The following SEMA3A variants were observed in gnomAD, a reference collection of about 807,000 sequenced individuals.
SEMA3A encodes semaphorin 3A.
In SEMA3A, 29 loss-of-function variants were observed where a neutral mutation model predicts 97.9. That is an observed-to-expected ratio of 0.30 (90% CI 0.22 to 0.40). SEMA3A has a LOEUF of 0.40. Among genes scored for constraint, SEMA3A ranks in the 10% least tolerant of loss-of-function variants. SEMA3A has a pLI of 1.00. For synonymous variants in SEMA3A, 321 were observed against 323.7 expected (o/e 0.99, Z 0.09); for missense variants, 763 against 951.3 (o/e 0.80, Z 2.60).
intron 5 of SEMA3A, among the ~76,000 whole-genome samples, chr7:84,049,643 A>C (rs185257743): frequency 7.0e-4 from 106 of 152,260 alleles, no homozygotes; most frequent in Non-Finnish European, 1.2e-3. Flanking sequence ...CCTGTTCAGC[A>C]AACTTCTTTT....
rs1360529703 is a variant in SEMA3A, at chr7:83,960,710, A to G, written c.*661T>C. 1 of 152,620 alleles carries G rather than the reference A, an allele frequency of 6.6e-6. No homozygotes were observed. The highest frequency in any genetic ancestry group is 2.4e-5 in the African/African-American group (1 of 41,460). 9.5% of individuals were successfully genotyped at this position (152,620 alleles called of 1,614,324 possible). A position where few individuals can be genotyped will look rare whatever the true frequency, so the allele number is the denominator to read the frequency against. ...AACTAATTTTTACTGCATATTTTTC[A>G]TGGTACATTTAAATTATAGTTTTAA... On this transcript the variant is annotated 3_prime_UTR_variant, in exon 17 of 17. Transcript: ENST00000265362.
intron 3 of SEMA3A, among the ~76,000 whole-genome samples, chr7:84,112,918 G>A (rs13223603): frequency 5.3e-4 from 81 of 152,184 alleles, no homozygotes; most frequent in Non-Finnish European, 9.3e-4. Flanking sequence ...TGCTGATAAC[G>A]GGAATCTGTC....
At chr7:84,013,144 A>C (rs1207722711) in intron 7 of SEMA3A, among the ~76,000 whole-genome samples, 1 of 152,150 alleles carries the variant, frequency 6.6e-6, no homozygotes, top group African/African-American at 2.4e-5. Flanking sequence ...ATTTTAAGAC[A>C]ATCATTGAAT....
At chr7:84,432,338 T>G (rs1805001519) in intron 1 of SEMA3A, among the ~76,000 whole-genome samples, 1 of 152,166 alleles carries the variant, frequency 6.6e-6, no homozygotes, top group Admixed American at 6.5e-5. Flanking sequence ...TTCACTAATC[T>G]ATTTTTCTCT....
chr7:84,150,268 T>G (rs994943766), intron 1 of SEMA3A, among the ~76,000 whole-genome samples: 10 of 152,212 alleles, frequency 6.6e-5, no homozygotes, highest in African/African-American at 2.2e-4. Flanking sequence ...AGCTCCAGTC[T>G]ACAGCTCCCA....
intron 12 of SEMA3A, among the ~76,000 whole-genome samples, chr7:83,990,854 A>G (rs1437876363): frequency 1.3e-5 from 2 of 150,414 alleles, no homozygotes; most frequent in Non-Finnish European, 3.0e-5. Context: ...AATTCTGTGA[A>G]GAAAGGCATT....
At chr7:84,122,937 A>G (rs2115994034) in intron 3 of SEMA3A, among the ~76,000 whole-genome samples, 1 of 152,310 alleles carries the variant, frequency 6.6e-6, no homozygotes, top group Admixed American at 6.5e-5. Flanking sequence ...GCATGATACA[A>G]CACTTTGAAA....
intron 2 of SEMA3A, among the ~76,000 whole-genome samples, chr7:84,338,339 T>C (rs1303198030): frequency 6.6e-6 from 1 of 152,052 alleles, no homozygotes; most frequent in East Asian, 1.9e-4. Context: ...ATTTTAACTA[T>C]AACCAAAGTG....
chr7:83,972,290 T>C (rs1034446053), intron 15 of SEMA3A, among the ~76,000 whole-genome samples: 1 of 151,952 alleles, frequency 6.6e-6, no homozygotes, highest in Non-Finnish European at 1.5e-5. Flanking sequence ...TTGAACACTG[T>C]ACTTGATGTC....
intron 1 of SEMA3A, among the ~76,000 whole-genome samples, chr7:84,175,220 G>C (rs181081557): frequency 6.6e-6 from 1 of 151,810 alleles, no homozygotes; most frequent in African/African-American, 2.4e-5. Flanking sequence ...CTACTGTCTG[G>C]GTTTGCCATG....
rs544655864 is a variant in SEMA3A at position 84,357,136 on chromosome 7, A to T, written c.-169+14688T>A. Among the ~76,000 whole-genome samples, 118 of 150,228 alleles carry T rather than the reference A, an allele frequency of 7.9e-4. No individual in the cohort carries two copies. The East Asian group carries it at 0.017, about 21-fold the overall frequency. ...TCTATTTTTTCTTTTATATATATAT[A>T]TTTTTTATTATAATTTAAGTTCTAG... On this transcript the variant is annotated intron_variant, in intron 2 of 3. Coordinates refer to the SEMA3A transcript ENST00000424555.
chr7:84,431,583 AG>A (rs1486740130), intron 1 of SEMA3A, among the ~76,000 whole-genome samples: 1 of 151,978 alleles, frequency 6.6e-6, no homozygotes, highest in African/African-American at 2.4e-5. Flanking sequence ...AAGAAAATAG[AG>A]TATGTTCTAA....
intron 1 of SEMA3A, among the ~76,000 whole-genome samples, chr7:84,415,029 T>C (rs1804394059): frequency 6.6e-6 from 1 of 152,054 alleles, no homozygotes; most frequent in Admixed American, 6.6e-5. Flanking sequence ...CAGTAAGATA[T>C]TAACCAATCC....
At chr7:84,203,674 G>A (rs1798415981) in intron 3 of SEMA3A, among the ~76,000 whole-genome samples, 1 of 150,788 alleles carries the variant, frequency 6.6e-6, no homozygotes. Context: ...AGGGATTACA[G>A]GTGTGTGCCA....
At chr7:84,272,375 T>G (rs1181707006) in intron 3 of SEMA3A, among the ~76,000 whole-genome samples, 1 of 152,080 alleles carries the variant, frequency 6.6e-6, no homozygotes, top group Non-Finnish European at 1.5e-5. Context: ...CAATAATTAT[T>G]TATTTATTGT....
intron 1 of SEMA3A, among the ~76,000 whole-genome samples, chr7:84,429,931 C>T (rs1003953400): frequency 2.6e-5 from 4 of 151,692 alleles, no homozygotes. Flanking sequence ...ATAAAAATCC[C>T]ACATATGCTA....
intron 3 of SEMA3A, among the ~76,000 whole-genome samples, chr7:84,303,224 G>A (rs978689873): frequency 6.6e-6 from 1 of 152,052 alleles, no homozygotes; most frequent in Non-Finnish European, 1.5e-5. Context: ...GACCCTGTGG[G>A]CACTAACATT....
chr7:84,050,386 TTAA>T (rs1466665578), intron 5 of SEMA3A, among the ~76,000 whole-genome samples: 2 of 152,136 alleles, frequency 1.3e-5, no homozygotes, highest in African/African-American at 4.8e-5. Flanking sequence ...TCCTGACTTT[TTAA>T]TGATTGCCAT....
intron 1 of SEMA3A, among the ~76,000 whole-genome samples, chr7:84,430,239 A>C (rs569774405): frequency 6.6e-6 from 1 of 151,890 alleles, no homozygotes; most frequent in East Asian, 1.9e-4. Flanking sequence ...ACATATTTCA[A>C]CAGCCTTTAG....
Sources: allele counts gnomAD v4.1 joint callset (sites outside exome capture counted in the v4.1 genomes callset), GRCh38; gene constraint gnomAD v4.1.1; transcripts MANE v1.5; gene names NCBI Gene and HGNC (gene_info 2026-07-23, HGNC 2026-07-21).